PHACTR1: variants seen among roughly 807,000 people sequenced by gnomAD.
PHACTR1 encodes the protein phosphatase and actin regulator 1, also known as RPEL repeat containing 1.
In PHACTR1, 16 loss-of-function variants were observed where a neutral mutation model predicts 69.2. The observed-to-expected ratio is 0.23, with a 90% confidence interval of 0.16 to 0.35. The LOEUF (loss-of-function observed/expected upper bound fraction) is 0.35. Ranked by LOEUF, PHACTR1 falls within the 10% of genes least tolerant of loss-of-function variation. The pLI, the probability that PHACTR1 is intolerant of heterozygous loss-of-function variation, is 1.00. For missense variants in PHACTR1, 510 were observed against 734.7 expected, an observed-to-expected ratio of 0.69 and a Z score of 3.54; for synonymous variants, 312 against 284.5, an observed-to-expected ratio of 1.10 and a Z score of -0.97.
chr6:12,957,831 C>T (rs1792095751), intron 4 of PHACTR1: 1 of 985,392 alleles, frequency 1.0e-6, no homozygotes, highest in Non-Finnish European at 1.2e-6. Context: ...GGTCAGCGGC[C>T]AGGGAATTGG....
chr6:12,850,966 A>G (rs1779767674), intron 4 of PHACTR1, among the ~76,000 whole-genome samples: 1 of 152,166 alleles, frequency 6.6e-6, no homozygotes, highest in African/African-American at 2.4e-5. Context: ...CAGGACTTCA[A>G]TATGTCTTCT....
intron 4 of PHACTR1, among the ~76,000 whole-genome samples, chr6:12,936,274 T>C (rs1214580619): frequency 6.6e-6 from 1 of 152,186 alleles, no homozygotes; most frequent in Non-Finnish European, 1.5e-5. Flanking sequence ...GGAGTTGTGC[T>C]AGCCACCTAT....
chr6:12,836,812 T>C (rs1339806859), intron 4 of PHACTR1, among the ~76,000 whole-genome samples: 2 of 152,090 alleles, frequency 1.3e-5, no homozygotes, highest in Non-Finnish European at 2.9e-5. Flanking sequence ...AGTTTTCCCT[T>C]TGAGATGTTC....
chr6:12,977,082 C>T (rs930605888), intron 4 of PHACTR1, among the ~76,000 whole-genome samples: 3 of 152,050 alleles, frequency 2.0e-5, no homozygotes, highest in South Asian at 2.1e-4. Context: ...TCTCCTGCCT[C>T]GGCCTTCTGA....
At chr6:12,816,009 G>C (rs1045007708) in intron 4 of PHACTR1, among the ~76,000 whole-genome samples, 1 of 152,180 alleles carries the variant, frequency 6.6e-6, no homozygotes, top group Non-Finnish European at 1.5e-5. Context: ...GCAAGAGAAA[G>C]TTAACTCACT....
At chr6:13,153,508 T>C (rs1757751278) in intron 5 of PHACTR1, among the ~76,000 whole-genome samples, 2 of 152,234 alleles carry the variant, frequency 1.3e-5, no homozygotes, top group Admixed American at 6.5e-5. Context: ...GCTTTTTTGC[T>C]TTCTGTCTTC....
chr6:12,892,851 A>G (rs1784293114), intron 4 of PHACTR1, among the ~76,000 whole-genome samples: 1 of 152,228 alleles, frequency 6.6e-6, no homozygotes, highest in Non-Finnish European at 1.5e-5. Flanking sequence ...CACAAGAGAT[A>G]TCATCATTGA....
At chr6:12,805,061 T>A (rs560040139) in intron 4 of PHACTR1, among the ~76,000 whole-genome samples, 3 of 152,282 alleles carry the variant, frequency 2.0e-5, no homozygotes, top group South Asian at 4.1e-4. Context: ...CCTTTTGGGT[T>A]ATATGTGGGT....
chr6:13,047,376 T>TC (rs1805233528), intron 4 of PHACTR1, among the ~76,000 whole-genome samples: 1 of 41,326 alleles, frequency 2.4e-5, no homozygotes, highest in Non-Finnish European at 4.1e-5. Flanking sequence ...AAACCCTGTC[T>TC]CAAAAAAAAA....
chr6:12,834,944 A>T (rs780534719), intron 4 of PHACTR1, among the ~76,000 whole-genome samples: 24 of 152,286 alleles, frequency 1.6e-4, no homozygotes, highest in Non-Finnish European at 2.8e-4. Context: ...CCCTCTTCGT[A>T]AAAATGTATG....
At chr6:13,098,445 G>C (rs1407212458) in intron 5 of PHACTR1, among the ~76,000 whole-genome samples, 1 of 152,110 alleles carries the variant, frequency 6.6e-6, no homozygotes, top group Non-Finnish European at 1.5e-5. Context: ...CTCTTTTGAG[G>C]ATTTTCATCA....
intron 4 of PHACTR1, among the ~76,000 whole-genome samples, chr6:12,983,317 A>G (rs988348417): frequency 6.6e-6 from 1 of 152,228 alleles, no homozygotes; most frequent in African/African-American, 2.4e-5. Flanking sequence ...ATTGTAATTT[A>G]TCTGATTCAA....
chr6:13,223,260 C>T (rs567006466), intron 8 of PHACTR1, among the ~76,000 whole-genome samples: 1 of 152,228 alleles, frequency 6.6e-6, no homozygotes, highest in Admixed American at 6.5e-5. Context: ...GTTTAGAAAA[C>T]ACTGGTTCAG....
At chr6:13,020,136 G>C (rs1043193545) in intron 4 of PHACTR1, among the ~76,000 whole-genome samples, 45 of 152,252 alleles carry the variant, frequency 3.0e-4, no homozygotes, top group Admixed American at 2.2e-3. Context: ...AGTCCAAGGA[G>C]GCAAAAGTTG....
intron 4 of PHACTR1, among the ~76,000 whole-genome samples, chr6:13,034,051 T>C (rs1034557116): frequency 6.6e-6 from 1 of 151,980 alleles, no homozygotes; most frequent in Non-Finnish European, 1.5e-5. Context: ...GGAATCTCGC[T>C]GTCGCCCATG....
intron 3 of PHACTR1, among the ~76,000 whole-genome samples, chr6:12,742,066 T>C (rs1465778277): frequency 1.3e-5 from 2 of 152,144 alleles, no homozygotes; most frequent in Non-Finnish European, 2.9e-5. Context: ...TGCTACTATA[T>C]AGAAAAAATG....
In PHACTR1 at chr6:12,716,877, A is replaced by G. The variant is rs1235997737; in HGVS notation, c.-301A>G. Reference sequence around the variant, plus strand: ...TTTTGTACTCTACCGTGTCCTGTTGAAAGGGGTCAACAAGTGCCGGTGAGT... The same window carrying G: ...TTTTGTACTCTACCGTGTCCTGTTGGAAGGGGTCAACAAGTGCCGGTGAGT... On this transcript the variant is annotated 5_prime_UTR_variant, in exon 1 of 15. Coordinates refer to ENST00000332995, the MANE Select transcript of PHACTR1 (RefSeq NM_030948.6). The G allele has an allele frequency of 6.6e-6, 1 of 151,986 alleles. No homozygotes were observed. Among genetic ancestry groups the G allele is most frequent in the Non-Finnish European group, 1.5e-5 (1 of 68,006 alleles). 9.4% of individuals were successfully genotyped at this position (151,986 alleles called of 1,614,324 possible). A position where few individuals can be genotyped will look rare whatever the true frequency, so the allele number is the denominator to read the frequency against.
At chr6:12,856,251 C>CTTTTTTTTTTTTTTTTTTTTTTTTTTTT (rs201867496) in intron 4 of PHACTR1, among the ~76,000 whole-genome samples, 1 of 95,276 alleles carries the variant, frequency 1.0e-5, no homozygotes, top group Admixed American at 1.3e-4. Context: ...TTCTTTCTTT[C>CTTTTTTTTTTTTTTTTTTTTTTTTTTTT]TTTCTTTTTT....
At chr6:12,827,917 G>A (rs554672061) in intron 4 of PHACTR1, among the ~76,000 whole-genome samples, 3 of 152,262 alleles carry the variant, frequency 2.0e-5, no homozygotes, top group Admixed American at 2.0e-4. Context: ...AGAATATTTG[G>A]ATAAATTATG....
Sources: allele counts gnomAD v4.1 joint callset (sites outside exome capture counted in the v4.1 genomes callset), GRCh38; gene constraint gnomAD v4.1.1; transcripts MANE v1.5; gene names NCBI Gene and HGNC (gene_info 2026-07-23, HGNC 2026-07-21).